ARID3A: variants seen among roughly 807,000 people sequenced by gnomAD.
ARID3A encodes the protein AT-rich interactive domain-containing protein 3A.
Under a neutral mutation model 52.7 loss-of-function variants are expected in ARID3A, and 11 were observed. The observed-to-expected ratio is 0.21, with a 90% confidence interval of 0.13 to 0.35. The LOEUF is 0.35. ARID3A is among the 10% of genes least tolerant of loss of function. The pLI, the probability that ARID3A is intolerant of heterozygous loss-of-function variation, is 1.00. For synonymous variants in ARID3A, 404 were observed against 359.4 expected (o/e 1.12, Z -1.40); for missense variants, 721 against 838.5 (o/e 0.86, Z 1.73).
At chr19:970,395 C>G (rs1017371148) in intron 8 of ARID3A, among the ~76,000 whole-genome samples, 1 of 151,982 alleles carries the variant, frequency 6.6e-6, no homozygotes, top group Non-Finnish European at 1.5e-5. Flanking sequence ...GCCTGTAATC[C>G]CAACACTTTG....
intron 3 of ARID3A, among the ~76,000 whole-genome samples, chr19:954,597 C>CGAGGGCTGG (rs2037875220): frequency 6.6e-6 from 1 of 152,074 alleles, no homozygotes; most frequent in South Asian, 2.1e-4. Flanking sequence ...TGGGGCCATG[C>CGAGGGCTGG]GAGGGCTGGG....
chr19:934,953 C>G (rs949428528), intron 3 of ARID3A, among the ~76,000 whole-genome samples: 1 of 152,180 alleles, frequency 6.6e-6, no homozygotes, highest in Non-Finnish European at 1.5e-5. Context: ...GTCCAGCCGC[C>G]GATGCCGCCG....
chr19:967,056 G>A (rs1054429378), intron 7 of ARID3A, among the ~76,000 whole-genome samples, 188 bp downstream of exon 7: 2 of 152,020 alleles, frequency 1.3e-5, no homozygotes, highest in South Asian at 2.1e-4. Context: ...TCAGGAGTTC[G>A]AGATCAGCCT....
In ARID3A at chr19:973,192, A is replaced by C. The variant is rs1248486911; in HGVS notation, c.*1127A>C. 2 of 153,186 alleles carry C rather than the reference A, an allele frequency of 1.3e-5. No individual in the cohort carries two copies. The highest frequency in any genetic ancestry group is 2.7e-5 in the Non-Finnish European group (2 of 74,834). 9.5% of individuals were successfully genotyped at this position (153,186 alleles called of 1,614,324 possible). ...CAATGGTGCGATCTTGGCTCACTGC[A>C]ACCTGCACCTCCCAGGTGCAAGCGA... On this transcript the variant is annotated 3_prime_UTR_variant, in exon 9 of 9. Transcript: ENST00000263620.
In ARID3A at chr19:960,287, C is replaced by G. The variant is rs890983419; in HGVS notation, c.766+123C>G. 6.0e-6 allele frequency: 5 copies of G among 830,056 alleles called. No homozygotes were observed. Among genetic ancestry groups the G allele is most frequent in the Admixed American group, 3.1e-5 (1 of 32,680 alleles). 51.4% of individuals were successfully genotyped at this position (830,056 alleles called of 1,614,324 possible). ...ACCCCGTGGCTGGAGGCATCCAAGG[C>G]TCCTAAATCGGGAGGGACTTCAGGG... On this transcript the variant is annotated intron_variant, in intron 4 of 8. Transcript: ENST00000263620. This position sits in a 1 kb window ranked among gnomAD's most constrained non-coding sequence, Gnocchi z 4.3.
chr19:967,215 G>A (rs894064568), intron 7 of ARID3A, among the ~76,000 whole-genome samples: 14 of 152,012 alleles, frequency 9.2e-5, no homozygotes, highest in South Asian at 2.1e-4. Flanking sequence ...CCGAGATAAC[G>A]CCACTGCACT....
At position 959,998 on chromosome 19, in the gene ARID3A, C is replaced by T; in HGVS notation, c.694-94C>T. On this transcript the variant is annotated intron_variant, in intron 3 of 8. Coordinates refer to ENST00000263620, the MANE Select transcript of ARID3A (RefSeq NM_005224.3). The surrounding 1 kb of genome is among the most constrained non-coding windows in gnomAD (Gnocchi z 5.0). ...GTCCTAGGGGTGGTGACCCCTGCTC[C>T]TGTCCTCCTGACCTGGCCTCCAGTG... 4 of 1,132,896 alleles carry T rather than the reference C, an allele frequency of 3.5e-6. No individual in the cohort carries two copies. 70.2% of individuals were successfully genotyped at this position (1,132,896 alleles called of 1,614,324 possible). A position where few individuals can be genotyped will look rare whatever the true frequency, so the allele number is the denominator to read the frequency against.
At chr19:955,859 G>A (rs1240388381) in intron 3 of ARID3A, among the ~76,000 whole-genome samples, 5 of 152,154 alleles carry the variant, frequency 3.3e-5, no homozygotes, top group African/African-American at 4.8e-5. Context: ...CTCAAACCGC[G>A]GGCGTAAAAC....
Position 968,411 on chromosome 19 carries a change from A to C in ARID3A, c.1502A>C (p.Glu501Ala), listed in dbSNP as rs1212737500. ...MSIRINSQAS[E>A]SRQDSAVNLT... is the part of the protein sequence containing the mutation. ...TTTGTTCTTCTTCCCACAGCCTCCG[A>C]AAGCCGCCAGGACTCTGCTGTGAAC... Residue 501 changes from glutamate to alanine, a missense_variant, in exon 8 of 9, where the codon GAA becomes GCA. By Grantham distance (107) the Glu-to-Ala change is moderately radical. This residue lies in a region of ARID3A where 297 missense variants were observed against 343.2 expected (regional missense o/e 0.87). Coordinates refer to ENST00000263620, the MANE Select transcript of ARID3A (RefSeq NM_005224.3). 6.2e-7 allele frequency: 1 copy of C among 1,611,172 alleles called. No individual in the cohort carries two copies. The highest frequency in any genetic ancestry group is 2.2e-5 in the East Asian group (1 of 44,890).
intron 3 of ARID3A, among the ~76,000 whole-genome samples, chr19:950,037 G>T (rs1048968696): frequency 6.6e-6 from 1 of 150,794 alleles, no homozygotes; most frequent in Admixed American, 6.6e-5. Context: ...CAGAGTGAAC[G>T]GATGGATGAG....
At chr19:956,674 C>CA (rs1459776489) in intron 3 of ARID3A, 2 of 152,516 alleles carry the variant, frequency 1.3e-5, no homozygotes, top group African/African-American at 2.4e-5. Context: ...GGGGCGGAGA[C>CA]AAAGACCAGG....
chr19:964,546 C>T lies in ARID3A; in HGVS notation c.950+115C>T. ...CAGCTGCAGAGGAGGGGGCAGTGGG[C>T]AGCCGCAAAGGGCACAGGGCCACAC... On this transcript the variant is annotated intron_variant, in intron 5 of 8. Coordinates refer to ENST00000263620, the MANE Select transcript of ARID3A (RefSeq NM_005224.3). The surrounding 1 kb of genome is among the most constrained non-coding windows in gnomAD (Gnocchi z 5.7). 7.3e-7 allele frequency: 1 copy of T among 1,378,900 alleles called. No individual in the cohort carries two copies. Among genetic ancestry groups the T allele is most frequent in the Non-Finnish European group, 9.7e-7 (1 of 1,030,972 alleles). The allele number at this position is 1,378,900 out of a possible 1,614,324, so 85.4% of individuals were successfully genotyped here.
chr19:939,461 T>C (rs2037501732), intron 3 of ARID3A, among the ~76,000 whole-genome samples: 1 of 152,138 alleles, frequency 6.6e-6, no homozygotes, highest in South Asian at 2.1e-4. Context: ...GACACTCTTC[T>C]TGCAGAGAGG....
chr19:937,408 T>G (rs2037459249), intron 3 of ARID3A, among the ~76,000 whole-genome samples: 1 of 152,230 alleles, frequency 6.6e-6, no homozygotes, highest in Admixed American at 6.5e-5. Context: ...GGCTGAGTCA[T>G]ACTCCGCTGG....
rs751833745 is a variant in ARID3A at position 972,084 on chromosome 19, G to T, written c.*19G>T. ...GCCTTAACCGCATCACTCCCCACCCGCCACCCACCCTGGAGCCCGCCGGCC... is the reference window on the plus strand; with the variant it reads ...GCCTTAACCGCATCACTCCCCACCCTCCACCCACCCTGGAGCCCGCCGGCC... On this transcript the variant is annotated 3_prime_UTR_variant, in exon 9 of 9. Coordinates refer to ENST00000263620, the MANE Select transcript of ARID3A (RefSeq NM_005224.3). 2 of 1,506,662 alleles carry T rather than the reference G, an allele frequency of 1.3e-6. No homozygotes were observed. Among genetic ancestry groups the T allele is most frequent in the South Asian group, 1.3e-5 (1 of 79,106 alleles). The allele number at this position is 1,506,662 out of a possible 1,614,324, so 93.3% of individuals were successfully genotyped here.
chr19:932,740 C>G lies in ARID3A; in HGVS notation c.691C>G (p.Gln231Glu). The G allele has an allele frequency of 6.5e-7, 1 of 1,547,032 alleles. No individual in the cohort carries two copies. The change falls in exon 3 of 9, where the codon CAG (glutamine) becomes GAG (glutamate). Residue 231 changes from glutamine to glutamate, a missense_variant and splice_region_variant. By Grantham distance (29) the Gln-to-Glu change is conservative (BLOSUM62 2). Transcript: ENST00000263620. ...GDWTYEEQFK[Q>E]LYELDGDPKR... ...CTGGACTTACGAGGAGCAGTTTAAG[C>G]AGGTGAGTGGGCGCGTCCCGCGTGG...
At chr19:932,033 T>C (rs2037341194) in intron 2 of ARID3A, among the ~76,000 whole-genome samples, 1 of 151,608 alleles carries the variant, frequency 6.6e-6, no homozygotes, top group African/African-American at 2.4e-5. Flanking sequence ...TCTTGCTCTG[T>C]GGCCCAGGCT....
At chr19:949,009 GC>G (rs2037747180) in intron 3 of ARID3A, among the ~76,000 whole-genome samples, 1 of 152,096 alleles carries the variant, frequency 6.6e-6, no homozygotes, top group Non-Finnish European at 1.5e-5. Context: ...GAGCCACCGC[GC>G]GTGGCCATCC....
At chr19:934,662 C>T (rs764220861) in intron 3 of ARID3A, among the ~76,000 whole-genome samples, 12 of 152,144 alleles carry the variant, frequency 7.9e-5, no homozygotes, top group South Asian at 2.1e-4. Context: ...GTGTAGGGAC[C>T]GGGTGCCGCC....
Sources: gnomAD v4.1 joint callset for allele counts (sites outside exome capture counted in the v4.1 genomes callset) on GRCh38, gnomAD v4.1.1 for gene constraint, gnomAD v4.1.1 regional missense constraint, Gnocchi (gnomAD v3.1) non-coding constraint, MANE v1.5 for transcripts, NCBI Gene and HGNC (gene_info 2026-07-23, HGNC 2026-07-21) for gene names.